The following GPC6 variants were observed in gnomAD, a reference collection of about 807,000 sequenced individuals.
GPC6 encodes glypican 6.
A neutral mutation model predicts 55.2 loss-of-function variants in GPC6; 14 were observed. That is an observed-to-expected ratio of 0.25 (90% CI 0.17 to 0.40). The LOEUF is 0.40. Ranked by LOEUF, GPC6 falls within the 10% of genes least tolerant of loss-of-function variation. The pLI is 1.00. For synonymous variants in GPC6, 278 were observed against 259.6 expected (o/e 1.07, Z -0.68); for missense variants, 641 against 708.5 (o/e 0.90, Z 1.08).
intron 4 of GPC6, among the ~76,000 whole-genome samples, chr13:94,106,341 C>G (rs1459421082): frequency 6.6e-6 from 1 of 152,160 alleles, no homozygotes; most frequent in African/African-American, 2.4e-5. Flanking sequence ...TTAGTGGTGA[C>G]TTTTTTGAAA....
chr13:94,279,221 C>T (rs1184938649), intron 4 of GPC6, among the ~76,000 whole-genome samples: 2 of 152,076 alleles, frequency 1.3e-5, no homozygotes, highest in African/African-American at 4.8e-5. Context: ...AATTTATTTG[C>T]ATAGAGGTGT....
At chr13:93,569,332 C>T (rs1876287774) in intron 2 of GPC6, among the ~76,000 whole-genome samples, 1 of 151,984 alleles carries the variant, frequency 6.6e-6, no homozygotes, top group Non-Finnish European at 1.5e-5. Flanking sequence ...ATCACATGAC[C>T]CTAAGAAGTC....
intron 1 of GPC6, among the ~76,000 whole-genome samples, chr13:93,424,551 A>C (rs902041171): frequency 1.2e-4 from 18 of 151,924 alleles, no homozygotes; most frequent in Non-Finnish European, 4.4e-5. Flanking sequence ...TTTCCACTGA[A>C]CTCTAAAAAT....
intron 2 of GPC6, among the ~76,000 whole-genome samples, chr13:93,714,831 G>C (rs1003625817): frequency 2.7e-5 from 4 of 150,186 alleles, no homozygotes; most frequent in Non-Finnish European, 5.9e-5. Context: ...TTAGAGGGAG[G>C]GTTATTCATA....
chr13:93,693,551 C>T (rs1438193966), intron 2 of GPC6, among the ~76,000 whole-genome samples: 5 of 151,338 alleles, frequency 3.3e-5, no homozygotes, highest in Non-Finnish European at 7.4e-5. Context: ...ATGATATTAG[C>T]TCACTGCACC....
At chr13:93,550,834 GCC>G in intron 2 of GPC6, among the ~76,000 whole-genome samples, 1 of 152,120 alleles carries the variant, frequency 6.6e-6, no homozygotes, top group Non-Finnish European at 1.5e-5. Context: ...TTCATTTAGA[GCC>G]TACCATAGAG....
rs75002272 is a variant in GPC6, at chr13:93,945,288, G to A, written c.712-82441G>A. On this transcript the variant is annotated intron_variant, in intron 3 of 8. Coordinates refer to ENST00000377047, the MANE Select transcript of GPC6 (RefSeq NM_005708.5). Reference sequence around the variant, plus strand: ...TATAGTCAATTGATTGTCATAGAATGTATTCGTGGATGTAAAAGGAGACTT... The same window carrying A: ...TATAGTCAATTGATTGTCATAGAATATATTCGTGGATGTAAAAGGAGACTT... 3.8e-3 allele frequency among the ~76,000 whole-genome samples: 586 copies of A among 152,256 alleles called. 4 individuals carry two copies. Among genetic ancestry groups the A allele is most frequent in the African/African-American group, 0.014 (565 of 41,554 alleles).
intron 2 of GPC6, among the ~76,000 whole-genome samples, chr13:93,558,715 T>A (rs867886160): frequency 1.3e-5 from 2 of 152,198 alleles, no homozygotes; most frequent in African/African-American, 4.8e-5. Flanking sequence ...TTGAATTGAC[T>A]GTGGAGTTTG....
rs1158068715 is a variant in GPC6, at chr13:93,546,968, C to T, written c.319+1547C>T. Reference sequence around the variant, plus strand: ...ATGGTAGATGATATATATTCTTTAACAAAAAAATATTAAATATTAGGTAGC... The same window carrying T: ...ATGGTAGATGATATATATTCTTTAATAAAAAAATATTAAATATTAGGTAGC... On this transcript the variant is annotated intron_variant, in intron 2 of 8. Transcript: ENST00000377047. Among the ~76,000 whole-genome samples, 4 of 123,916 alleles carry T rather than the reference C, an allele frequency of 3.2e-5. No individual in the cohort carries two copies. The East Asian group carries it at 5.8e-4, about 18-fold the overall frequency. The allele number at this position is 123,916 out of a possible 152,430, so 81.3% of individuals were successfully genotyped here. A position where few individuals can be genotyped will look rare whatever the true frequency, so the allele number is the denominator to read the frequency against.
At chr13:93,357,301 A>G (rs539284956) in intron 1 of GPC6, among the ~76,000 whole-genome samples, 4 of 152,292 alleles carry the variant, frequency 2.6e-5, no homozygotes, top group East Asian at 1.9e-4. Context: ...AAATTGTTCA[A>G]TTTTGTAATT....
chr13:94,053,783 A>G (rs1884037923), intron 4 of GPC6, among the ~76,000 whole-genome samples: 1 of 152,232 alleles, frequency 6.6e-6, no homozygotes, highest in Non-Finnish European at 1.5e-5. Context: ...AAAGAAAAAC[A>G]AAATAGTTTC....
chr13:93,296,963 C>T (rs1013629567), intron 1 of GPC6, among the ~76,000 whole-genome samples: 3 of 152,144 alleles, frequency 2.0e-5, no homozygotes, highest in African/African-American at 7.2e-5. Context: ...CAGAAATCCA[C>T]TTGACAGTGA....
intron 3 of GPC6, among the ~76,000 whole-genome samples, chr13:93,934,396 T>C (rs965082912): frequency 6.6e-6 from 1 of 152,206 alleles, no homozygotes; most frequent in Non-Finnish European, 1.5e-5. Context: ...ATAAAATGTA[T>C]TATTAAAATT....
intron 1 of GPC6, among the ~76,000 whole-genome samples, chr13:93,413,856 A>G (rs1281698328): frequency 1.3e-5 from 2 of 152,110 alleles, no homozygotes; most frequent in Non-Finnish European, 2.9e-5. Context: ...TTCTGCACTT[A>G]AAAGGGGGAA....
chr13:93,960,480 T>C (rs1196619601), intron 3 of GPC6, among the ~76,000 whole-genome samples: 1 of 152,074 alleles, frequency 6.6e-6, no homozygotes, highest in Non-Finnish European at 1.5e-5. Flanking sequence ...AAAATGTTCA[T>C]AGGATGGAAG....
intron 2 of GPC6, among the ~76,000 whole-genome samples, chr13:93,558,335 C>A (rs1298809722): frequency 6.6e-6 from 1 of 152,124 alleles, no homozygotes; most frequent in Non-Finnish European, 1.5e-5. Context: ...CCTATAGAGC[C>A]ACTTAGATAA....
upstream of GPC6, among the ~76,000 whole-genome samples, chr13:93,223,692 C>G (rs1390489334): frequency 6.6e-6 from 1 of 152,098 alleles, no homozygotes. Context: ...AAGCCACTCT[C>G]CTTAGCGTCC....
chr13:94,031,948 A>C (rs1342929367), intron 4 of GPC6, among the ~76,000 whole-genome samples: 1 of 152,212 alleles, frequency 6.6e-6, no homozygotes, highest in Non-Finnish European at 1.5e-5. Context: ...AGCTTCTGCA[A>C]ACATCTGGTA....
At chr13:93,576,349 TAA>T (rs1273703169) in intron 2 of GPC6, among the ~76,000 whole-genome samples, 4 of 152,134 alleles carry the variant, frequency 2.6e-5, no homozygotes, top group Non-Finnish European at 5.9e-5. Flanking sequence ...AATTTTATAT[TAA>T]GTGAATATTT....
Sources: gnomAD v4.1 joint callset for allele counts (sites outside exome capture counted in the v4.1 genomes callset) on GRCh38, gnomAD v4.1.1 for gene constraint, MANE v1.5 for transcripts, NCBI Gene and HGNC (gene_info 2026-07-23, HGNC 2026-07-21) for gene names.